C11orf65: variants seen among roughly 807,000 people sequenced by gnomAD.
The protein encoded by C11orf65 is protein MFI.
A neutral mutation model predicts 35.3 loss-of-function variants in C11orf65; 38 were observed. The ratio of observed to expected loss-of-function variants is 1.08; its 90% CI spans 0.83 to 1.41. The LOEUF is 1.41. Ranked by LOEUF, C11orf65 falls within the 40% of genes most tolerant of loss-of-function variation. The pLI, the probability that C11orf65 is intolerant of heterozygous loss-of-function variation, is 0.00. For synonymous variants in C11orf65, 105 were observed against 114.4 expected, an observed-to-expected ratio of 0.92 and a Z score of 0.53; for missense variants, 370 against 367.1, an observed-to-expected ratio of 1.01 and a Z score of -0.06.
At chr11:108,456,523 T>C (rs2093412955) in intron 2 of C11orf65, among the ~76,000 whole-genome samples, 1 of 152,138 alleles carries the variant, frequency 6.6e-6, no homozygotes, top group Admixed American at 6.6e-5. Flanking sequence ...GGCTCACCTC[T>C]GTAATCTCAG....
At chr11:108,466,433 G>C (rs573050227) in intron 1 of C11orf65, among the ~76,000 whole-genome samples, 1 of 152,088 alleles carries the variant, frequency 6.6e-6, no homozygotes, top group South Asian at 2.1e-4. Context: ...AATAAACTGG[G>C]TGTGGTGGCG....
chr11:108,310,915 G>A (rs1327965306), intron 6 of C11orf65, among the ~76,000 whole-genome samples: 1 of 152,096 alleles, frequency 6.6e-6, no homozygotes, highest in African/African-American at 2.4e-5. Context: ...AAATAAGAAA[G>A]TAAGAGTAAA....
At chr11:108,329,249 T>G, downstream of C11orf65, 1 of 1,602,568 alleles carries the variant, frequency 6.2e-7, no homozygotes, top group Non-Finnish European at 8.5e-7. Context: ...GTAACTAGGT[T>G]TCTACAAGTG....
At chr11:108,308,986 A>C (rs2083907590) in exon 7 of C11orf65, 1 of 1,523,246 alleles carries the variant, frequency 6.6e-7, no homozygotes, top group African/African-American at 1.4e-5. Context: ...ATTGGGGTAG[A>C]ATGGTGTTGA....
chr11:108,361,726 G>A (rs2090785197), intron 2 of C11orf65, among the ~76,000 whole-genome samples: 1 of 151,550 alleles, frequency 6.6e-6, no homozygotes, highest in Non-Finnish European at 1.5e-5. Context: ...AAATGGTGCT[G>A]GGAAAACTGG....
intron 2 of C11orf65, among the ~76,000 whole-genome samples, chr11:108,455,854 T>A (rs1223061659): frequency 7.0e-6 from 1 of 143,768 alleles, no homozygotes; most frequent in African/African-American, 2.6e-5. Flanking sequence ...GGAGAGAAAT[T>A]TAAGATCCAA....
intron 3 of C11orf65, among the ~76,000 whole-genome samples, chr11:108,422,670 T>C (rs1399760212): frequency 6.6e-6 from 1 of 151,950 alleles, no homozygotes; most frequent in Non-Finnish European, 1.5e-5. Flanking sequence ...GATCACGAGG[T>C]CAGGAGATGG....
Position 108,320,024 on chromosome 11 carries a change from T to C in C11orf65, c.641-10953A>G, listed in dbSNP as rs1397647612. ...TCTACAATCTCTAAGAGACAGAGAA[T>C]TCTCTACATTTTATGAAAGTCTCAA... On this transcript the variant is annotated intron_variant, in intron 6 of 6. Transcript: ENST00000525729. 2 of 1,609,920 alleles carry C rather than the reference T, an allele frequency of 1.2e-6. No homozygotes were observed. The highest frequency in any genetic ancestry group is 2.2e-5 in the South Asian group (2 of 90,984).
At chr11:108,313,641 A>G (rs1340481477) in intron 6 of C11orf65, among the ~76,000 whole-genome samples, 1 of 151,872 alleles carries the variant, frequency 6.6e-6, no homozygotes, top group African/African-American at 2.4e-5. Flanking sequence ...CCTCCTCTCT[A>G]CTGAGTTTTT....
At chr11:108,424,639 T>C (rs1193520677) in intron 3 of C11orf65, among the ~76,000 whole-genome samples, 1 of 152,066 alleles carries the variant, frequency 6.6e-6, no homozygotes, top group Non-Finnish European at 1.5e-5. Context: ...CAGGACTTGA[T>C]CTCAGCTCTA....
At chr11:108,342,559 G>A (rs1303934678) in intron 2 of C11orf65, among the ~76,000 whole-genome samples, 1 of 152,114 alleles carries the variant, frequency 6.6e-6, no homozygotes, top group Admixed American at 6.5e-5. Flanking sequence ...CTTAGGGTCA[G>A]TGAAGCACAC....
chr11:108,426,733 TA>T (rs2092908186), intron 3 of C11orf65, among the ~76,000 whole-genome samples: 1 of 151,398 alleles, frequency 6.6e-6, no homozygotes, highest in African/African-American at 2.4e-5. Context: ...GGCATCATGC[TA>T]CCTGACTTCA....
chr11:108,452,771 C>T (rs1258307647), intron 2 of C11orf65, among the ~76,000 whole-genome samples: 2 of 151,904 alleles, frequency 1.3e-5, no homozygotes, highest in Non-Finnish European at 2.9e-5. Context: ...CAATGATAGA[C>T]TGGATTAAGA....
chr11:108,417,923 A>G (rs2092762859), intron 3 of C11orf65, among the ~76,000 whole-genome samples: 1 of 151,492 alleles, frequency 6.6e-6, no homozygotes, highest in Non-Finnish European at 1.5e-5. Context: ...TGATAATAAA[A>G]AAAGGAAACA....
intron 2 of C11orf65, among the ~76,000 whole-genome samples, chr11:108,360,776 A>T: frequency 9.1e-6 from 1 of 109,608 alleles, no homozygotes; most frequent in African/African-American, 3.8e-5. Flanking sequence ...TCAATAAATT[A>T]GGTATTGATG....
At chr11:108,437,707 T>TAAAAAAGAAAAAAAA (rs2093083497) in intron 2 of C11orf65, among the ~76,000 whole-genome samples, 1 of 38,032 alleles carries the variant, frequency 2.6e-5, no homozygotes, top group Non-Finnish European at 4.3e-5. Context: ...GACTCAGTCT[T>TAAAAAAGAAAAAAAA]AAAAAAAAAA....
intron 2 of C11orf65, among the ~76,000 whole-genome samples, chr11:108,453,899 C>T (rs2093381961): frequency 6.6e-6 from 1 of 152,188 alleles, no homozygotes; most frequent in Admixed American, 6.5e-5. Flanking sequence ...GTATCCAACT[C>T]ATGTTGGCTT....
At chr11:108,426,109 A>G (rs1012276114) in intron 3 of C11orf65, among the ~76,000 whole-genome samples, 1 of 152,180 alleles carries the variant, frequency 6.6e-6, no homozygotes, top group African/African-American at 2.4e-5. Context: ...GCCCTCTCTT[A>G]CCACTCCTTT....
rs2137293810 is a variant in C11orf65, at chr11:108,353,848, G to A, written c.227-18556C>T. 1 of 1,613,898 alleles carries A rather than the reference G, an allele frequency of 6.2e-7. No homozygotes were observed. The highest frequency in any genetic ancestry group is 8.5e-7 in the Non-Finnish European group (1 of 1,179,864). On this transcript the variant is annotated intron_variant, in intron 2 of 3. Coordinates refer to the C11orf65 transcript ENST00000524755. ...TCACCAGAGATATTGTGGATGGCAT[G>A]GGCATTACGGGTGTTGAAGGTGTCT...
Sources: allele counts gnomAD v4.1 joint callset (sites outside exome capture counted in the v4.1 genomes callset), GRCh38; gene constraint gnomAD v4.1.1; transcripts MANE v1.5; gene names NCBI Gene and HGNC (gene_info 2026-07-23, HGNC 2026-07-21).